The following PALM2AKAP2 variants were observed in gnomAD, a reference collection of about 807,000 sequenced individuals.
The protein encoded by PALM2AKAP2 is PALM2-AKAP2 fusion protein.
In PALM2AKAP2, 37 loss-of-function variants were observed where a neutral mutation model predicts 71.5. That is an observed-to-expected ratio of 0.52 (90% CI 0.40 to 0.68). PALM2AKAP2 has a LOEUF of 0.68. Ranked by LOEUF, PALM2AKAP2 falls within the 30% of genes least tolerant of loss-of-function variation. The probability of loss-of-function intolerance (pLI) is 0.00; values close to 1 mark genes in which losing one functional copy is unlikely to be tolerated. For missense variants in PALM2AKAP2, 1,224 were observed against 1,191.8 expected, an observed-to-expected ratio of 1.03 and a Z score of -0.40; for synonymous variants, 468 against 478.8, an observed-to-expected ratio of 0.98 and a Z score of 0.29.
At chr9:109,665,517 G>A (rs1400625426) in intron 1 of PALM2AKAP2, among the ~76,000 whole-genome samples, 1 of 152,192 alleles carries the variant, frequency 6.6e-6, no homozygotes, top group Non-Finnish European at 1.5e-5. Flanking sequence ...CGCCAGCGGA[G>A]GCTGCAGAAC....
chr9:109,766,480 C>T (rs1001169729), intron 1 of PALM2AKAP2, among the ~76,000 whole-genome samples: 1 of 152,158 alleles, frequency 6.6e-6, no homozygotes, highest in Non-Finnish European at 1.5e-5. Flanking sequence ...AGACTCATTG[C>T]GATTTCCTCA....
Position 109,900,359 on chromosome 9 carries a change from G to A in PALM2AKAP2, c.257+19678G>A, listed in dbSNP as rs539270413. 7.9e-5 allele frequency among the ~76,000 whole-genome samples: 12 copies of A among 152,280 alleles called. No homozygotes were observed. The South Asian group carries it at 1.5e-3, about 18-fold the overall frequency. On this transcript the variant is annotated intron_variant, in intron 3 of 9. Transcript: ENST00000302798. Reference sequence around the variant, plus strand: ...AGGTATCCATTGAGTGTCATGCATCGCAATGGCAAAGCATTGGAGTTACAG... The same window carrying A: ...AGGTATCCATTGAGTGTCATGCATCACAATGGCAAAGCATTGGAGTTACAG...
chr9:110,023,780 C>T (rs1588064130), intron 7 of PALM2AKAP2, among the ~76,000 whole-genome samples: 1 of 151,796 alleles, frequency 6.6e-6, no homozygotes, highest in South Asian at 2.1e-4. Flanking sequence ...TCGCTTGAGA[C>T]CAGGAGTTCG....
chr9:109,943,327 G>C (rs745981432), intron 6 of PALM2AKAP2: 1 of 1,614,224 alleles, frequency 6.2e-7, no homozygotes, highest in Non-Finnish European at 8.5e-7. Context: ...AGACACCACA[G>C]AGCCCTCATC....
chr9:110,164,061 T>C (rs1836668446), intron 3 of PALM2AKAP2, among the ~76,000 whole-genome samples: 1 of 152,240 alleles, frequency 6.6e-6, no homozygotes, highest in Non-Finnish European at 1.5e-5. Flanking sequence ...TGATTATCAG[T>C]AATTTTCTTT....
Position 110,114,415 on chromosome 9 carries a change from T to C in PALM2AKAP2, c.157-21712T>C, listed in dbSNP as rs1345291337. On this transcript the variant is annotated intron_variant, in intron 1 of 3. Transcript: ENST00000374525. ...ACAAATTATATCCGCAAAGATCCTA[T>C]TTCCAAGTGTTACATTCTGAGGTTC... is the stretch of plus-strand genomic sequence containing the variant. 4.6e-5 allele frequency among the ~76,000 whole-genome samples: 7 copies of C among 152,184 alleles called. No individual in the cohort carries two copies. The South Asian group carries it at 1.5e-3, about 32-fold the overall frequency.
At chr9:109,954,636 TA>T (rs1348136797) in intron 6 of PALM2AKAP2, among the ~76,000 whole-genome samples, 1 of 132,744 alleles carries the variant, frequency 7.5e-6, no homozygotes, top group Non-Finnish European at 1.5e-5. Context: ...TGTGCACATG[TA>T]CCCTAAAACT....
At chr9:109,763,373 C>A (rs981704181) in intron 1 of PALM2AKAP2, among the ~76,000 whole-genome samples, 2 of 152,116 alleles carry the variant, frequency 1.3e-5, no homozygotes, top group Non-Finnish European at 2.9e-5. Context: ...GTAGGTAAGA[C>A]CCTGCCCTGC....
At chr9:110,101,245 C>T (rs1228099677) in intron 1 of PALM2AKAP2, among the ~76,000 whole-genome samples, 2 of 151,990 alleles carry the variant, frequency 1.3e-5, no homozygotes, top group East Asian at 1.9e-4. Flanking sequence ...TAAAAAGACA[C>T]GCAGGATGTG....
chr9:109,926,074 A>C (rs762252991), intron 5 of PALM2AKAP2, among the ~76,000 whole-genome samples: 1 of 152,164 alleles, frequency 6.6e-6, no homozygotes, highest in Non-Finnish European at 1.5e-5. Context: ...TGTATTAAAA[A>C]CAAACAAAAA....
At chr9:109,938,639 G>A (rs1831285533) in intron 6 of PALM2AKAP2, among the ~76,000 whole-genome samples, 1 of 152,132 alleles carries the variant, frequency 6.6e-6, no homozygotes, top group Non-Finnish European at 1.5e-5. Context: ...CAGTCCCAGA[G>A]CCATATCACA....
rs919932182 is a variant in PALM2AKAP2 at position 109,891,287 on chromosome 9, G to A, written c.257+10606G>A. 3.3e-5 allele frequency among the ~76,000 whole-genome samples: 5 copies of A among 152,174 alleles called. No individual in the cohort carries two copies. The East Asian group carries it at 5.8e-4, about 18-fold the overall frequency. ...TCACCTCCCTTTGTTCCCTTGGCTA[G>A]CATCTTGGGCAACAACATTCTGTAC... On this transcript the variant is annotated intron_variant, in intron 3 of 9. Transcript: ENST00000302798.
At chr9:109,933,040 A>G (rs1315491782) in intron 6 of PALM2AKAP2, among the ~76,000 whole-genome samples, 1 of 152,256 alleles carries the variant, frequency 6.6e-6, no homozygotes, top group Non-Finnish European at 1.5e-5. Flanking sequence ...TGTCACGTCC[A>G]CTGGCTAATT....
At chr9:109,701,393 G>A (rs893165003) in intron 1 of PALM2AKAP2, among the ~76,000 whole-genome samples, 5 of 152,308 alleles carry the variant, frequency 3.3e-5, no homozygotes, top group South Asian at 2.1e-4. Flanking sequence ...TACCAAAACA[G>A]AGATATAGAC....
At chr9:109,846,000 A>T (rs1300154099) in intron 1 of PALM2AKAP2, among the ~76,000 whole-genome samples, 1 of 152,234 alleles carries the variant, frequency 6.6e-6, no homozygotes, top group Non-Finnish European at 1.5e-5. Flanking sequence ...TTTGATTATG[A>T]TAAGCACAAA....
At chr9:109,769,601 A>G (rs1447944267) in intron 1 of PALM2AKAP2, among the ~76,000 whole-genome samples, 1 of 152,170 alleles carries the variant, frequency 6.6e-6, no homozygotes, top group Non-Finnish European at 1.5e-5. Flanking sequence ...ACTTCACCCA[A>G]CAGTGGTTGG....
chr9:110,074,263 G>T (rs1834270750), intron 1 of PALM2AKAP2, among the ~76,000 whole-genome samples: 1 of 152,166 alleles, frequency 6.6e-6, no homozygotes, highest in Non-Finnish European at 1.5e-5. Context: ...GAAGCGGGAG[G>T]ATCCCTTGAG....
chr9:110,151,142 T>G (rs1050548189), intron 2 of PALM2AKAP2, among the ~76,000 whole-genome samples: 1 of 152,216 alleles, frequency 6.6e-6, no homozygotes, highest in African/African-American at 2.4e-5. Context: ...GACAACAGTA[T>G]TTCCTAAACT....
chr9:110,028,274 T>A (rs1298924327), intron 7 of PALM2AKAP2, among the ~76,000 whole-genome samples: 1 of 152,208 alleles, frequency 6.6e-6, no homozygotes, highest in African/African-American at 2.4e-5. Flanking sequence ...GTGAAAGAAA[T>A]GAAGTCACAA....
Sources: gnomAD v4.1 joint callset for allele counts (sites outside exome capture counted in the v4.1 genomes callset) on GRCh38, gnomAD v4.1.1 for gene constraint, MANE v1.5 for transcripts, NCBI Gene and HGNC (gene_info 2026-07-23, HGNC 2026-07-21) for gene names.